Variants in TCF4 observed in about 807,000 individuals in gnomAD.
TCF4 encodes SL3-3 enhancer factor 2.
In TCF4, 3 loss-of-function variants were observed where a neutral mutation model predicts 82.1. The ratio of observed to expected loss-of-function variants is 0.04; its 90% CI spans 0.02 to 0.09. TCF4 has a LOEUF of 0.09. Among genes scored for constraint, TCF4 ranks in the 10% least tolerant of loss-of-function variants. The pLI, the probability that TCF4 is intolerant of heterozygous loss-of-function variation, is 1.00. For synonymous variants in TCF4, 276 were observed against 309.6 expected (o/e 0.89, Z 1.14); for missense variants, 518 against 852.7 (o/e 0.61, Z 4.89).
intron 8 of TCF4, among the ~76,000 whole-genome samples, chr18:55,281,050 G>A (rs1568664587): frequency 6.6e-6 from 1 of 151,990 alleles, no homozygotes; most frequent in Non-Finnish European, 1.5e-5. Context: ...AGAAAACAGG[G>A]ATTTTTCTTA....
At chr18:55,270,027 A>C in intron 10 of TCF4, 64 bp from the exon 11 acceptor site, 1 of 1,598,882 alleles carries the variant, frequency 6.3e-7, no homozygotes, top group Non-Finnish European at 8.6e-7. Flanking sequence ...AGTTATTTTC[A>C]AATACTTTTC....
intron 3 of TCF4, among the ~76,000 whole-genome samples, chr18:55,579,541 TTCAA>T (rs1167132579): frequency 1.3e-5 from 2 of 152,048 alleles, no homozygotes; most frequent in Non-Finnish European, 2.9e-5. Flanking sequence ...ATCTGACTTA[TTCAA>T]CTTACATATA....
At chr18:55,388,417 A>G (rs1569314441) in intron 6 of TCF4, among the ~76,000 whole-genome samples, 1 of 152,242 alleles carries the variant, frequency 6.6e-6, no homozygotes, top group Non-Finnish European at 1.5e-5. Flanking sequence ...GGTACGCACC[A>G]CGCTATTGCA....
intron 3 of TCF4, among the ~76,000 whole-genome samples, chr18:55,565,046 G>A (rs2097390897): frequency 1.3e-5 from 2 of 152,292 alleles, no homozygotes; most frequent in East Asian, 1.9e-4. Context: ...AAGAGAGGCA[G>A]AAAGAACACT....
intron 1 of TCF4, among the ~76,000 whole-genome samples, chr18:55,631,928 A>G (rs1237333752): frequency 6.6e-6 from 1 of 152,156 alleles, no homozygotes; most frequent in Non-Finnish European, 1.5e-5. Flanking sequence ...TTCTAATCTC[A>G]TCCTTTTAGT....
chr18:55,578,787 T>C (rs1812056654), intron 3 of TCF4, among the ~76,000 whole-genome samples: 1 of 152,066 alleles, frequency 6.6e-6, no homozygotes, highest in African/African-American at 2.4e-5. Flanking sequence ...CATCCAACAA[T>C]GGATTGCAGT....
At chr18:55,483,960 C>T (rs1284465787) in intron 3 of TCF4, among the ~76,000 whole-genome samples, 5 of 152,222 alleles carry the variant, frequency 3.3e-5, no homozygotes, top group Admixed American at 1.3e-4. Flanking sequence ...AAAGCACTTT[C>T]GTGCACAGTA....
chr18:55,293,761 A>T (rs2065694327), intron 8 of TCF4, among the ~76,000 whole-genome samples: 1 of 152,092 alleles, frequency 6.6e-6, no homozygotes, highest in African/African-American at 2.4e-5. Flanking sequence ...CAGTGTTCTT[A>T]AACAGAAAGT....
At chr18:55,495,225 G>A (rs1432267548) in intron 3 of TCF4, among the ~76,000 whole-genome samples, 9 of 150,260 alleles carry the variant, frequency 6.0e-5, no homozygotes, top group African/African-American at 2.2e-4. Flanking sequence ...TAACATGAGA[G>A]AATCAAAAGC....
intron 1 of TCF4, chr18:55,635,653 G>T (rs1213397654): frequency 1.3e-6 from 2 of 1,512,074 alleles, no homozygotes; most frequent in Admixed American, 2.2e-5. Flanking sequence ...GATCATTTTT[G>T]GTTTCAGTTT....
In TCF4 at chr18:55,232,488, G is replaced by A. The variant is rs376282361; in HGVS notation, c.1649+21C>T. On this transcript the variant is annotated intron_variant, in intron 17 of 19. Coordinates refer to ENST00000354452, the MANE Select transcript of TCF4 (RefSeq NM_001083962.2). Reference sequence around the variant, plus strand: ...GTCCAATAAAGGAATTAAATGAAGCGACAGTATTATATACTGTTACCTAGA... The same window carrying A: ...GTCCAATAAAGGAATTAAATGAAGCAACAGTATTATATACTGTTACCTAGA... The A allele has an allele frequency of 1.7e-5, 28 of 1,607,154 alleles. No homozygotes were observed. In the African/African-American group the frequency reaches 2.1e-4, roughly 12 times the overall value.
At chr18:55,511,148 A>G (rs1457297774) in intron 3 of TCF4, among the ~76,000 whole-genome samples, 1 of 152,084 alleles carries the variant, frequency 6.6e-6, no homozygotes. Flanking sequence ...TTTCTTCCAC[A>G]TAACACATAT....
intron 4 of TCF4, among the ~76,000 whole-genome samples, chr18:55,461,676 T>C (rs2144797390): frequency 6.6e-6 from 1 of 152,288 alleles, no homozygotes; most frequent in Non-Finnish European, 1.5e-5. Flanking sequence ...AAGTTAAGAA[T>C]ATTAGGGTTT....
At chr18:55,280,648 T>A (rs2062403041) in intron 8 of TCF4, among the ~76,000 whole-genome samples, 1 of 152,096 alleles carries the variant, frequency 6.6e-6, no homozygotes, top group Non-Finnish European at 1.5e-5. Flanking sequence ...CCTTCCTGCC[T>A]CCATTTTGAA....
intron 8 of TCF4, among the ~76,000 whole-genome samples, chr18:55,308,320 T>C (rs534259732): frequency 3.3e-5 from 5 of 152,338 alleles, no homozygotes; most frequent in African/African-American, 1.2e-4. Flanking sequence ...ACATGGAATA[T>C]TGCATGCTGC....
At chr18:55,499,080 A>C (rs1050637877) in intron 3 of TCF4, among the ~76,000 whole-genome samples, 1 of 152,134 alleles carries the variant, frequency 6.6e-6, no homozygotes, top group African/African-American at 2.4e-5. Flanking sequence ...AAGAAATGCA[A>C]ATGTTAGCCA....
chr18:55,447,915 C>T lies in TCF4; in HGVS notation c.304+13104G>A, dbSNP rs190406193. 3.0e-3 allele frequency among the ~76,000 whole-genome samples: 432 copies of T among 145,164 alleles called. 4 individuals carry two copies. The highest frequency in any genetic ancestry group is 0.01 in the African/African-American group (409 of 38,980). ...GTTTCATCTTCTCTACCCCTTCCAA[C>T]GTAGCCACTAGAAAAGGCTTTCGCT... On this transcript the variant is annotated intron_variant, in intron 5 of 19. Coordinates refer to ENST00000354452, the MANE Select transcript of TCF4 (RefSeq NM_001083962.2).
chr18:55,411,076 C>T (rs1413203109), intron 5 of TCF4, among the ~76,000 whole-genome samples: 2 of 152,162 alleles, frequency 1.3e-5, no homozygotes, highest in Non-Finnish European at 2.9e-5. Context: ...ACTAATTCCA[C>T]AGAGTGTGCA....
chr18:55,349,302 C>T (rs2081854954), intron 8 of TCF4, among the ~76,000 whole-genome samples: 1 of 152,062 alleles, frequency 6.6e-6, no homozygotes, highest in Non-Finnish European at 1.5e-5. Flanking sequence ...ATGAGCTGAA[C>T]TGAAATCAAG....
Sources: allele counts gnomAD v4.1 joint callset (sites outside exome capture counted in the v4.1 genomes callset), GRCh38; gene constraint gnomAD v4.1.1; transcripts MANE v1.5; gene names NCBI Gene and HGNC (gene_info 2026-07-23, HGNC 2026-07-21).